BCKDHA: variants seen among roughly 807,000 people sequenced by gnomAD.
The protein encoded by BCKDHA is 2-oxoisovalerate dehydrogenase subunit alpha, mitochondrial.
BCKDHA carries 43 observed loss-of-function variants against 52.2 expected under a neutral mutation model. The ratio of observed to expected loss-of-function variants is 0.82; its 90% CI spans 0.64 to 1.06. The LOEUF (loss-of-function observed/expected upper bound fraction) is 1.06, where lower values mean the gene tolerates loss of function less well. Among genes scored for constraint, BCKDHA ranks in the 50% least tolerant of loss-of-function variants. The probability of loss-of-function intolerance (pLI) is 0.00; values close to 1 mark genes in which losing one functional copy is unlikely to be tolerated. For missense variants in BCKDHA, 527 were observed against 621.3 expected (o/e 0.85, Z 1.61); for synonymous variants, 234 against 247.9 (o/e 0.94, Z 0.53).
chr19:41,408,608 C>T (rs1048760905), intron 1 of BCKDHA, among the ~76,000 whole-genome samples: 1 of 151,754 alleles, frequency 6.6e-6, no homozygotes, highest in African/African-American at 2.4e-5. Flanking sequence ...AGGACTCCTC[C>T]AGCCCCTCTG....
At chr19:41,402,394 C>G (rs1199611457) in intron 1 of BCKDHA, among the ~76,000 whole-genome samples, 1 of 152,152 alleles carries the variant, frequency 6.6e-6, no homozygotes, top group Non-Finnish European at 1.5e-5. Context: ...CATCTTGAGG[C>G]ACTGAATGGT....
rs1239388957 is a variant in BCKDHA, at chr19:41,422,186, C to T, written c.669C>T (p.Ala223=). The change falls in exon 6 of 9, where the codon GCC becomes GCT. Residue 223 remains alanine (A), a synonymous_variant. Transcript: ENST00000269980. ...IPQAVGAAYA[A]KRANANRVVI... is the part of the protein sequence containing the mutation. Reference sequence around the variant, plus strand: ...CAGCGGTGGGGGCGGCGTACGCAGCCAAGCGGGCCAATGCCAACAGGGTCG... The same window carrying T: ...CAGCGGTGGGGGCGGCGTACGCAGCTAAGCGGGCCAATGCCAACAGGGTCG... 1.2e-6 allele frequency: 2 copies of T among 1,613,894 alleles called. No homozygotes were observed. Among genetic ancestry groups the T allele is most frequent in the East Asian group, 4.5e-5 (2 of 44,892 alleles).
chr19:41,418,843 G>A (rs1268727563), intron 4 of BCKDHA: 1 of 434,022 alleles, frequency 2.3e-6, no homozygotes, highest in Non-Finnish European at 4.4e-6. Flanking sequence ...CCTGGCCATA[G>A]TAATGATTTA....
chr19:41,417,205 G>A (rs918838580), intron 4 of BCKDHA, among the ~76,000 whole-genome samples: 3 of 151,806 alleles, frequency 2.0e-5, no homozygotes, highest in South Asian at 2.1e-4. Context: ...TGGTAGAGAC[G>A]GGGTTTCGCT....
At chr19:41,412,380 CTTTTT>C (rs530972813) in intron 3 of BCKDHA, among the ~76,000 whole-genome samples, 5 of 65,870 alleles carry the variant, frequency 7.6e-5, no homozygotes, top group Admixed American at 6.6e-4. Context: ...GTAGATATTT[CTTTTT>C]TTTTTTTTTT....
At chr19:41,419,903 G>A (rs912936023) in intron 5 of BCKDHA, among the ~76,000 whole-genome samples, 1 of 151,926 alleles carries the variant, frequency 6.6e-6, no homozygotes, top group Non-Finnish European at 1.5e-5. Context: ...GAGTAGCTGG[G>A]ATTATGGGCA....
intron 1 of BCKDHA, among the ~76,000 whole-genome samples, chr19:41,398,167 G>T (rs1369708602): frequency 1.3e-5 from 2 of 152,168 alleles, no homozygotes; most frequent in African/African-American, 4.8e-5. Context: ...TTCTTTGTGG[G>T]CCCTGAGGGA....
rs1231811705 is a variant in BCKDHA, at chr19:41,402,889, C to T, written c.108+4954C>T. 3.3e-5 allele frequency among the ~76,000 whole-genome samples: 5 copies of T among 152,054 alleles called. No individual in the cohort carries two copies. The East Asian group carries it at 5.8e-4, about 18-fold the overall frequency. ...CTCCTGGCCTCAACTGATCCACCCACCTCAGCCTCCCAAAGTGCTGGGGTT... is the reference window on the plus strand; with the variant it reads ...CTCCTGGCCTCAACTGATCCACCCATCTCAGCCTCCCAAAGTGCTGGGGTT... On this transcript the variant is annotated intron_variant, in intron 1 of 8. Coordinates refer to ENST00000269980, the MANE Select transcript of BCKDHA (RefSeq NM_000709.4).
At chr19:41,398,547 A>T (rs958391227) in intron 1 of BCKDHA, among the ~76,000 whole-genome samples, 4 of 152,208 alleles carry the variant, frequency 2.6e-5, no homozygotes, top group African/African-American at 9.7e-5. Flanking sequence ...TGTTGAATTA[A>T]TGAGGGGAAA....
chr19:41,398,006 G>A, intron 1 of BCKDHA, 71 bp downstream of exon 1: 1 of 1,301,666 alleles, frequency 7.7e-7, no homozygotes. Context: ...CAGAGTGTGG[G>A]GTCCCTGAAG....
chr19:41,422,476 G>C, intron 6 of BCKDHA, 106 bp downstream of exon 6: 1 of 1,573,252 alleles, frequency 6.4e-7, no homozygotes, highest in Admixed American at 1.7e-5. Context: ...TTCTCGTCCT[G>C]TGTCCTGTGG....
intron 4 of BCKDHA, among the ~76,000 whole-genome samples, chr19:41,415,171 G>A (rs1462112740): frequency 6.6e-6 from 1 of 152,244 alleles, no homozygotes; most frequent in Non-Finnish European, 1.5e-5. Context: ...CAGGCCCTTG[G>A]CCCCACATGC....
intron 1 of BCKDHA, among the ~76,000 whole-genome samples, chr19:41,408,676 G>A (rs994328052): frequency 2.0e-5 from 3 of 151,982 alleles, no homozygotes; most frequent in African/African-American, 7.3e-5. Flanking sequence ...GGAGTGCAGT[G>A]GTGTGATCAT....
chr19:41,422,599 G>A (rs200793975), intron 6 of BCKDHA, 30 bp from the exon 7 acceptor site: 1 of 1,613,234 alleles, frequency 6.2e-7, no homozygotes, highest in African/African-American at 1.3e-5. Flanking sequence ...CTCAGCCCTG[G>A]CCTGACCTGC....
chr19:41,422,995 C>A lies in BCKDHA; in HGVS notation c.996-3C>A. On this transcript the variant is annotated splice_polypyrimidine_tract_variant and splice_region_variant and intron_variant, in intron 7 of 8. Coordinates refer to ENST00000269980, the MANE Select transcript of BCKDHA (RefSeq NM_000709.4). Reference sequence around the variant, plus strand: ...TGACCTGGGGCCCCTTGCCCCTGTGCAGGATCGGGCACCACAGCACCAGTG... The same window carrying A: ...TGACCTGGGGCCCCTTGCCCCTGTGAAGGATCGGGCACCACAGCACCAGTG... 1.2e-6 allele frequency: 2 copies of A among 1,608,046 alleles called. No individual in the cohort carries two copies. Among genetic ancestry groups the A allele is most frequent in the Non-Finnish European group, 1.7e-6 (2 of 1,177,366 alleles).
Position 41,424,942 on chromosome 19 carries a change from C to T in BCKDHA, c.*334C>T, listed in dbSNP as rs528816040. 7.6e-4 allele frequency: 208 copies of T among 272,806 alleles called. 1 individual carries two copies. The highest frequency in any genetic ancestry group is 4.2e-3 in the African/African-American group (191 of 45,734). The allele number at this position is 272,806 out of a possible 1,614,324, so 16.9% of individuals were successfully genotyped here. ...ATGGCAGGTCAGCCTGTGGAACTTGCGCAGGTGCGAGTGGCCAGCAGAGGT... is the reference window on the plus strand; with the variant it reads ...ATGGCAGGTCAGCCTGTGGAACTTGTGCAGGTGCGAGTGGCCAGCAGAGGT... On this transcript the variant is annotated 3_prime_UTR_variant, in exon 9 of 9. Coordinates refer to ENST00000269980, the MANE Select transcript of BCKDHA (RefSeq NM_000709.4).
chr19:41,422,494 C>T, intron 6 of BCKDHA, 124 bp downstream of exon 6: 1 of 1,567,548 alleles, frequency 6.4e-7, no homozygotes, highest in Non-Finnish European at 8.8e-7. Flanking sequence ...TGGCGTCTGG[C>T]ACTTGGTCAG....
At chr19:41,418,575 A>T (rs891602187) in intron 4 of BCKDHA, 5 of 328,574 alleles carry the variant, frequency 1.5e-5, no homozygotes, top group Non-Finnish European at 2.9e-5. Context: ...TTTGTAGCCC[A>T]GATTGGAGTG....
At chr19:41,398,788 G>A (rs1048529442) in intron 1 of BCKDHA, among the ~76,000 whole-genome samples, 1 of 151,942 alleles carries the variant, frequency 6.6e-6, no homozygotes, top group African/African-American at 2.4e-5. Context: ...TGGTTACATG[G>A]GTGGATGCAT....
Sources: allele counts gnomAD v4.1 joint callset (sites outside exome capture counted in the v4.1 genomes callset), GRCh38; gene constraint gnomAD v4.1.1; transcripts MANE v1.5; gene names NCBI Gene and HGNC (gene_info 2026-07-23, HGNC 2026-07-21).